Variants in NLRC3 observed in about 807,000 individuals in gnomAD.
The protein encoded by NLRC3 is NLR family CARD domain containing 3, also known as NLR family CARD domain-containing protein 3.
A neutral mutation model predicts 91.6 loss-of-function variants in NLRC3; 87 were observed. That is an observed-to-expected ratio of 0.95 (90% CI 0.80 to 1.14). The LOEUF is 1.14. Ranked by LOEUF, NLRC3 falls within the 50% of genes most tolerant of loss-of-function variation. The probability of loss-of-function intolerance (pLI) is 0.00; values close to 1 mark genes in which losing one functional copy is unlikely to be tolerated. For synonymous variants in NLRC3, 694 were observed against 625.3 expected (o/e 1.11, Z -1.64); for missense variants, 1,577 against 1,418.6 (o/e 1.11, Z -1.79).
rs185669525 is a variant in NLRC3, at chr16:3,543,624, A to G, written c.2856-116T>C. On this transcript the variant is annotated intron_variant, in intron 16 of 19. Coordinates refer to ENST00000359128, the MANE Select transcript of NLRC3 (RefSeq NM_178844.4). ...TGGAAAGTGGAGAAACAGCACTGAG[A>G]ATGGTTGGCCAGCGCTGTGTCTAGG... 14 of 726,190 alleles carry G rather than the reference A, an allele frequency of 1.9e-5. 1 individual carries two copies. The African/African-American group carries it at 2.1e-4, about 11-fold the overall frequency. 45.0% of individuals were successfully genotyped at this position (726,190 alleles called of 1,614,324 possible). A position where few individuals can be genotyped will look rare whatever the true frequency, so the allele number is the denominator to read the frequency against.
Position 3,563,151 on chromosome 16 carries a change from T to A in NLRC3, c.1786A>T (p.Thr596Ser), listed in dbSNP as rs745567065. Residue 596 changes from threonine to serine, a missense_variant, in exon 5 of 20, where the codon ACT (threonine) becomes TCT (serine). Transcript: ENST00000359128. ...AGGGCAGCGCGGTGCGCGGGACCAG[T>A]CAGCCTGGCCAGGGCCCCGCTCTCC... ...AMESGALARL[T>S]GPAHRAALAY... 73 of 1,589,612 alleles carry A rather than the reference T, an allele frequency of 4.6e-5. No individual in the cohort carries two copies. The highest frequency in any genetic ancestry group is 5.8e-5 in the Non-Finnish European group (68 of 1,170,108).
chr16:3,563,316 C>A lies in NLRC3; in HGVS notation c.1621G>T (p.Ala541Ser). The A allele has an allele frequency of 6.3e-7, 1 of 1,598,474 alleles. No homozygotes were observed. The highest frequency in any genetic ancestry group is 8.5e-7 in the Non-Finnish European group (1 of 1,173,702). Reference sequence around the variant, plus strand: ...AGCTCAGCCACCTGGGTCCGGTAGGCCTGGTGCTCGCCTTGGGCCAGCAGG... The same window carrying A: ...AGCTCAGCCACCTGGGTCCGGTAGGACTGGTGCTCGCCTTGGGCCAGCAGG... ...GSLLAQGEHQ[A>S]YRTQVAELLQ... Residue 541 changes from alanine to serine, a missense_variant, in exon 5 of 20, where the codon GCC becomes TCC. By Grantham distance (99) the Ala-to-Ser change is moderately conservative (BLOSUM62 1). Coordinates refer to ENST00000359128, the MANE Select transcript of NLRC3 (RefSeq NM_178844.4).
intron 8 of NLRC3, among the ~76,000 whole-genome samples, chr16:3,554,750 G>A (rs999643652): frequency 3.3e-5 from 5 of 152,172 alleles, no homozygotes; most frequent in Admixed American, 3.3e-4. Flanking sequence ...ATGTGACCCA[G>A]CAATTCCATT....
intron 7 of NLRC3, 103 bp downstream of exon 7, chr16:3,557,490 G>A (rs2039398612): frequency 4.3e-6 from 3 of 692,614 alleles, no homozygotes; most frequent in Non-Finnish European, 7.8e-6. Context: ...GAACAGACAG[G>A]TAAGACCCAA....
In NLRC3 at chr16:3,542,690, A is replaced by C. The variant is rs1456919006; in HGVS notation, c.3023+2T>G. 3.1e-6 allele frequency: 5 copies of C among 1,602,416 alleles called. No homozygotes were observed. The highest frequency in any genetic ancestry group is 4.3e-6 in the Non-Finnish European group (5 of 1,171,654). ...TGCAGGTAGGTCCCTCCAGCCACTT[A>C]CTTGAGTCTCCGGAGACTTGAGTTT... On this transcript the variant is annotated splice_donor_variant, in intron 18 of 19. Coordinates refer to ENST00000359128, the MANE Select transcript of NLRC3 (RefSeq NM_178844.4). LOFTEE classifies it high-confidence loss of function.
intron 1 of NLRC3, among the ~76,000 whole-genome samples, chr16:3,573,984 T>C (rs940270367): frequency 6.8e-6 from 1 of 148,010 alleles, no homozygotes; most frequent in Admixed American, 6.7e-5. Flanking sequence ...ACCACCATGC[T>C]TGGCCCATTG....
chr16:3,563,300 A>T lies in NLRC3; in HGVS notation c.1637T>A (p.Val546Glu). ...CAGGCAGCCCTGCAGGAGCTCAGCC[A>T]CCTGGGTCCGGTAGGCCTGGTGCTC... The part of the protein sequence containing the change: ...QGEHQAYRTQ[V>E]AELLQGCLRP... The change falls in exon 5 of 20, where the codon GTG becomes GAG. Residue 546 changes from valine to glutamate, a missense_variant. Coordinates refer to ENST00000359128, the MANE Select transcript of NLRC3 (RefSeq NM_178844.4). 1 of 1,601,274 alleles carries T rather than the reference A, an allele frequency of 6.2e-7. No homozygotes were observed. Among genetic ancestry groups the T allele is most frequent in the Non-Finnish European group, 8.5e-7 (1 of 1,174,812 alleles).
intron 1 of NLRC3, among the ~76,000 whole-genome samples, chr16:3,576,070 C>A (rs1379046441): frequency 6.6e-6 from 1 of 152,134 alleles, no homozygotes; most frequent in South Asian, 2.1e-4. Flanking sequence ...GTGGAGAGGC[C>A]CAGCCCTGGG....
In NLRC3 at chr16:3,564,227, G is replaced by A. The variant is rs753185114; in HGVS notation, c.710C>T (p.Thr237Met). The A allele has an allele frequency of 2.7e-5, 43 of 1,613,024 alleles. No individual in the cohort carries two copies. Among genetic ancestry groups the A allele is most frequent in the African/African-American group, 1.3e-4 (10 of 74,944 alleles). The change falls in exon 5 of 20, where the codon ACG becomes ATG. Residue 237 changes from threonine to methionine, a missense_variant. Transcript: ENST00000359128. The surrounding 1 kb of genome is among the most constrained non-coding windows in gnomAD (Gnocchi z 5.9). ...PLDFSNTVAC[T>M]DPKKEIPVDH... is the part of the protein sequence containing the mutation. ...CACCGGGATCTCCTTCTTTGGGTCC[G>A]TGCAGGCCACGGTGTTGGAGAAGTC...
intron 10 of NLRC3, among the ~76,000 whole-genome samples, chr16:3,550,848 G>T (rs2038955512): frequency 6.6e-6 from 1 of 152,188 alleles, no homozygotes; most frequent in Non-Finnish European, 1.5e-5. Context: ...GGTTCACCCA[G>T]TCCTGGGAAT....
Position 3,565,320 on chromosome 16 carries a change from A to C in NLRC3, c.-26T>G. On this transcript the variant is annotated splice_region_variant and 5_prime_UTR_variant, in exon 3 of 20. Transcript: ENST00000359128. ...TTGTACCCCGGCCCTGCCACTTACCAGATAGGTGACTGAGGGCAGGCTGAG... is the reference window on the plus strand; with the variant it reads ...TTGTACCCCGGCCCTGCCACTTACCCGATAGGTGACTGAGGGCAGGCTGAG... 1.5e-6 allele frequency: 1 copy of C among 655,202 alleles called. No homozygotes were observed. 40.6% of individuals were successfully genotyped at this position (655,202 alleles called of 1,614,324 possible). A position where few individuals can be genotyped will look rare whatever the true frequency, so the allele number is the denominator to read the frequency against.
rs1054034830 is a variant in NLRC3, at chr16:3,565,366, G to A, written c.-72C>T. 4.6e-5 allele frequency: 25 copies of A among 545,644 alleles called. 1 individual carries two copies. Among genetic ancestry groups the A allele is most frequent in the Non-Finnish European group, 8.0e-5 (23 of 286,540 alleles). The allele number at this position is 545,644 out of a possible 1,614,324, so 33.8% of individuals were successfully genotyped here. ...CTGAGTCACCTCTCTGCGCCTTGGT[G>A]TCTTCATTTGTGACCTGGAAATGAT... On this transcript the variant is annotated 5_prime_UTR_variant, in exon 3 of 20. Transcript: ENST00000359128.
Position 3,575,612 on chromosome 16 carries a change from C to T in NLRC3, c.-169+1537G>A, listed in dbSNP as rs183306268. 1.1e-4 allele frequency among the ~76,000 whole-genome samples: 16 copies of T among 152,330 alleles called. 1 individual carries two copies. The highest frequency in any genetic ancestry group is 9.8e-4 in the Admixed American group (15 of 15,304). On this transcript the variant is annotated intron_variant, in intron 1 of 19. Coordinates refer to ENST00000359128, the MANE Select transcript of NLRC3 (RefSeq NM_178844.4). ...TCACCCCTAGAGCTTTGTCTGTGAGCGAAGGTGAACCTGAGGCCTTCCTGG... is the reference window on the plus strand; with the variant it reads ...TCACCCCTAGAGCTTTGTCTGTGAGTGAAGGTGAACCTGAGGCCTTCCTGG...
chr16:3,564,019 C>T lies in NLRC3; in HGVS notation c.918G>A (p.Gln306=), dbSNP rs757485173. Reference sequence around the variant, plus strand: ...GGCTCAGCATCCAGCCCAGAAGGGCCTGGTCCTCGGGGAACATCTGCTCCA... The same window carrying T: ...GGCTCAGCATCCAGCCCAGAAGGGCTTGGTCCTCGGGGAACATCTGCTCCA... The part of the protein sequence containing the change: ...VCLEQMFPED[Q]ALLGWMLSQV... Residue 306 remains glutamine, a synonymous_variant, in exon 5 of 20, where the codon CAG becomes CAA. Coordinates refer to ENST00000359128, the MANE Select transcript of NLRC3 (RefSeq NM_178844.4). This position sits in a 1 kb window ranked among gnomAD's most constrained non-coding sequence, Gnocchi z 5.9. The T allele has an allele frequency of 3.7e-6, 6 of 1,610,184 alleles. No individual in the cohort carries two copies. Among genetic ancestry groups the T allele is most frequent in the African/African-American group, 1.3e-5 (1 of 74,946 alleles).
At position 3,543,439 on chromosome 16, in the gene NLRC3, G is replaced by GGTTCT; in HGVS notation, c.2920_2924dup (p.Leu976GlufsTer8). On this transcript the variant is annotated frameshift_variant, in exon 17 of 20. Coordinates refer to ENST00000359128, the MANE Select transcript of NLRC3 (RefSeq NM_178844.4). LOFTEE classifies it high-confidence loss of function. ...GGAATACTTACTCGAGAATCTCCAA[G>GGTTCT]GTTCTGTTCACAGCCAAGGCTTCCC... The GGTTCT allele has an allele frequency of 6.2e-7, 1 of 1,611,646 alleles. No individual in the cohort carries two copies. Among genetic ancestry groups the GGTTCT allele is most frequent in the Non-Finnish European group, 8.5e-7 (1 of 1,178,430 alleles).
At chr16:3,559,021 C>T (rs1444577131) in intron 6 of NLRC3, among the ~76,000 whole-genome samples, 1 of 152,184 alleles carries the variant, frequency 6.6e-6, no homozygotes, top group Non-Finnish European at 1.5e-5. Flanking sequence ...ATCCTCCTGC[C>T]TTGGCCTCCC....
rs376371313 is a variant in NLRC3, at chr16:3,570,167, C to CT, written c.-168-2844dup. ...CTACTGCCTCTTAAGGTAGTTTACA[C>CT]TTTTTTTTTTTGAGACAGAGTCTCA... On this transcript the variant is annotated intron_variant, in intron 1 of 19. Coordinates refer to ENST00000359128, the MANE Select transcript of NLRC3 (RefSeq NM_178844.4). Among the ~76,000 whole-genome samples, 57 of 147,982 alleles carry CT rather than the reference C, an allele frequency of 3.9e-4. No homozygotes were observed. In the East Asian group the frequency reaches 6.7e-3, roughly 17 times the overall value.
At chr16:3,552,398 G>A in intron 9 of NLRC3, 119 bp from the exon 10 acceptor site, 2 of 703,648 alleles carry the variant, frequency 2.8e-6, no homozygotes, top group South Asian at 1.6e-5. Flanking sequence ...ATTGGAGCAG[G>A]TGGGGAGGGC....
chr16:3,547,349 A>T (rs2038743471), intron 15 of NLRC3, among the ~76,000 whole-genome samples: 1 of 152,164 alleles, frequency 6.6e-6, no homozygotes, highest in African/African-American at 2.4e-5. Context: ...AATTCCATTT[A>T]TATGCGGTGT....
Sources: gnomAD v4.1 joint callset for allele counts (sites outside exome capture counted in the v4.1 genomes callset) on GRCh38, gnomAD v4.1.1 for gene constraint, Gnocchi (gnomAD v3.1) non-coding constraint, MANE v1.5 for transcripts, NCBI Gene and HGNC (gene_info 2026-07-23, HGNC 2026-07-21) for gene names.